Variants in COMMD10 observed in about 807,000 individuals in gnomAD.
COMMD10 encodes COMM domain containing 10, also known as COMM domain-containing protein 10.
In COMMD10, 33 loss-of-function variants were observed where a neutral mutation model predicts 28.9. The ratio of observed to expected loss-of-function variants is 1.14; its 90% CI spans 0.87 to 1.53. COMMD10 has a LOEUF of 1.53. Among genes scored for constraint, COMMD10 ranks in the 40% most tolerant of loss-of-function variants. The pLI, the probability that COMMD10 is intolerant of heterozygous loss-of-function variation, is 0.00. For missense variants in COMMD10, 310 were observed against 233.4 expected (o/e 1.33, Z -2.14); for synonymous variants, 110 against 81.7 (o/e 1.35, Z -1.87).
At chr5:116,276,936 A>T (rs1016073014) in intron 5 of COMMD10, among the ~76,000 whole-genome samples, 4 of 151,810 alleles carry the variant, frequency 2.6e-5, no homozygotes, top group African/African-American at 9.7e-5. Flanking sequence ...GGATGATGAA[A>T]ATGTTCTAAA....
intron 4 of COMMD10, among the ~76,000 whole-genome samples, chr5:116,094,285 A>G (rs535651255): frequency 1.3e-5 from 2 of 152,376 alleles, no homozygotes; most frequent in African/African-American, 4.8e-5. Flanking sequence ...GCAAATGATT[A>G]ATATCCAGAA....
chr5:116,151,614 A>G (rs1752532257), intron 5 of COMMD10, among the ~76,000 whole-genome samples: 5 of 152,056 alleles, frequency 3.3e-5, no homozygotes, highest in African/African-American at 1.2e-4. Context: ...GAATTTATCC[A>G]TTTCTTTTAC....
At chr5:116,156,883 T>C (rs1028472368) in intron 5 of COMMD10, among the ~76,000 whole-genome samples, 3 of 152,152 alleles carry the variant, frequency 2.0e-5, no homozygotes, top group African/African-American at 7.2e-5. Context: ...GCCCCCTTTA[T>C]TTTTTCTAAA....
At chr5:116,099,423 T>C (rs1750579641) in intron 4 of COMMD10, among the ~76,000 whole-genome samples, 1 of 67,338 alleles carries the variant, frequency 1.5e-5, no homozygotes. Context: ...GGTGCAGATA[T>C]CTCTTCAACT....
chr5:116,226,437 ACAG>A (rs1749395936), intron 5 of COMMD10, among the ~76,000 whole-genome samples: 4 of 148,470 alleles, frequency 2.7e-5, no homozygotes, highest in African/African-American at 9.8e-5. Flanking sequence ...TTTTTTGAGA[ACAG>A]CAAATTATAT....
At chr5:116,173,557 A>G (rs766217982) in intron 5 of COMMD10, among the ~76,000 whole-genome samples, 8 of 152,244 alleles carry the variant, frequency 5.3e-5, no homozygotes, top group Admixed American at 3.9e-4. Context: ...AAAAAAGACT[A>G]TTTCATCCTC....
At chr5:116,231,480 G>A (rs143902986) in intron 5 of COMMD10, among the ~76,000 whole-genome samples, 40 of 152,182 alleles carry the variant, frequency 2.6e-4, no homozygotes, top group African/African-American at 8.4e-4. Flanking sequence ...TCAGCGAGTC[G>A]TGGTTATATG....
chr5:116,252,926 C>G (rs1475614128), intron 5 of COMMD10, among the ~76,000 whole-genome samples: 1 of 110,074 alleles, frequency 9.1e-6, no homozygotes, highest in African/African-American at 3.6e-5. Context: ...TTCTTCCTAC[C>G]CATGAGCATG....
chr5:116,198,938 T>C (rs1050205322), intron 5 of COMMD10, among the ~76,000 whole-genome samples: 3 of 152,184 alleles, frequency 2.0e-5, no homozygotes, highest in African/African-American at 4.8e-5. Context: ...AATTTTTGTA[T>C]GCACGTAAGT....
At chr5:116,177,656 T>G (rs1753560800) in intron 5 of COMMD10, among the ~76,000 whole-genome samples, 1 of 152,136 alleles carries the variant, frequency 6.6e-6, no homozygotes, top group Admixed American at 6.6e-5. Context: ...TCAAAGATTT[T>G]CAAGCATCAT....
intron 5 of COMMD10, among the ~76,000 whole-genome samples, chr5:116,216,295 G>A (rs534974106): frequency 6.6e-6 from 1 of 152,304 alleles, no homozygotes; most frequent in African/African-American, 2.4e-5. Context: ...TTAAATGTAT[G>A]TTAACAAAAG....
At chr5:116,140,269 G>GTATATATGTCTATGCGTA (rs1345508654) in intron 5 of COMMD10, among the ~76,000 whole-genome samples, 2 of 148,086 alleles carry the variant, frequency 1.4e-5, no homozygotes, top group Non-Finnish European at 3.0e-5. Flanking sequence ...GTGTCTGTCT[G>GTATATATGTCTATGCGTA]TATATATGTC....
Position 116,233,445 on chromosome 5 carries a change from A to G in COMMD10, c.511-58072A>G, listed in dbSNP as rs570930070. 5.3e-5 allele frequency among the ~76,000 whole-genome samples: 8 copies of G among 152,286 alleles called. No homozygotes were observed. The East Asian group carries it at 1.5e-3, about 29-fold the overall frequency. On this transcript the variant is annotated intron_variant, in intron 5 of 6. Coordinates refer to ENST00000274458, the MANE Select transcript of COMMD10 (RefSeq NM_016144.4). ...TCCCACAGATAAGGGGGAACTATAC[A>G]TAACAGTTTATGAAAGTCCTTGACC...
At chr5:116,177,290 C>A (rs1201053804) in intron 5 of COMMD10, among the ~76,000 whole-genome samples, 1 of 133,862 alleles carries the variant, frequency 7.5e-6, no homozygotes, top group African/African-American at 3.7e-5. Flanking sequence ...AAGAAAGAGA[C>A]AGCTTTCTCT....
chr5:116,136,204 A>C (rs543807531), intron 5 of COMMD10, among the ~76,000 whole-genome samples: 1 of 151,992 alleles, frequency 6.6e-6, no homozygotes. Flanking sequence ...TATTTTTCAC[A>C]TGTATCCTTA....
In COMMD10 at chr5:116,252,215, G is replaced by T. The variant is rs537295848; in HGVS notation, c.511-39302G>T. 1.3e-4 allele frequency among the ~76,000 whole-genome samples: 19 copies of T among 140,944 alleles called. 1 individual carries two copies. The South Asian group carries it at 4.0e-3, about 30-fold the overall frequency. The allele number at this position is 140,944 out of a possible 152,430, so 92.5% of individuals were successfully genotyped here. On this transcript the variant is annotated intron_variant, in intron 5 of 6. Transcript: ENST00000274458. ...TGGATATTAGCCCTTTGTCAGATGA[G>T]TAGGTTGCGAAAATTTTCTCCCATT...
chr5:116,183,680 GAC>G (rs1748048833), intron 5 of COMMD10, among the ~76,000 whole-genome samples: 1 of 152,064 alleles, frequency 6.6e-6, no homozygotes. Context: ...TTAGCACACT[GAC>G]ACAGAGTAAC....
chr5:116,185,463 G>A (rs147555712), intron 5 of COMMD10, among the ~76,000 whole-genome samples: 10 of 152,092 alleles, frequency 6.6e-5, no homozygotes, highest in Admixed American at 2.0e-4. Flanking sequence ...CAAAAGCAGG[G>A]TCAAGCAGTC....
At chr5:116,125,492 T>C (rs1051818909) in intron 4 of COMMD10, among the ~76,000 whole-genome samples, 4 of 152,176 alleles carry the variant, frequency 2.6e-5, no homozygotes, top group Non-Finnish European at 1.5e-5. Flanking sequence ...ATTTTTTCCT[T>C]TGTTTCAACT....
Sources: gnomAD v4.1 joint callset for allele counts (sites outside exome capture counted in the v4.1 genomes callset) on GRCh38, gnomAD v4.1.1 for gene constraint, MANE v1.5 for transcripts, NCBI Gene and HGNC (gene_info 2026-07-23, HGNC 2026-07-21) for gene names.